FAM200B: variants seen among roughly 807,000 people sequenced by gnomAD.
FAM200B encodes zinc finger BED-type containing 11.
FAM200B carries 32 observed loss-of-function variants against 33.1 expected under a neutral mutation model. The ratio of observed to expected loss-of-function variants is 0.97; its 90% CI spans 0.73 to 1.30. FAM200B has a LOEUF of 1.30. Ranked by LOEUF, FAM200B falls within the 50% of genes most tolerant of loss-of-function variation. FAM200B has a pLI of 0.00. For synonymous variants in FAM200B, 240 were observed against 264.8 expected, an observed-to-expected ratio of 0.91 and a Z score of 0.91; for missense variants, 741 against 754.0, an observed-to-expected ratio of 0.98 and a Z score of 0.20.
upstream of FAM200B, among the ~76,000 whole-genome samples, chr4:15,677,553 C>T (rs1016120548): frequency 1.3e-5 from 2 of 152,104 alleles, no homozygotes; most frequent in African/African-American, 4.8e-5. Flanking sequence ...AGACTGAGTT[C>T]AAATAAGTGA....
At chr4:15,668,081 C>G in the FAM200B span, among the ~76,000 whole-genome samples, 1 of 150,426 alleles carries the variant, frequency 6.6e-6, no homozygotes, top group Admixed American at 6.7e-5. Flanking sequence ...TAACTATCAA[C>G]TTAATCGAAA....
rs1718877217 is a variant in FAM200B, at chr4:15,686,699, A to G, written c.-279A>G. On this transcript the variant is annotated 5_prime_UTR_variant, in exon 2 of 2. Transcript: ENST00000422728. ...GCGAGAGGGGTATTTGATGGAGGAG[A>G]TATGATGAATAGAATGTATATTGGC... 4.8e-6 allele frequency: 1 copy of G among 208,738 alleles called. No individual in the cohort carries two copies. The highest frequency in any genetic ancestry group is 9.5e-6 in the Non-Finnish European group (1 of 105,496). The allele number at this position is 208,738 out of a possible 1,614,324, so 12.9% of individuals were successfully genotyped here.
Position 15,687,930 on chromosome 4 carries a change from A to G in FAM200B, c.953A>G (p.Asn318Ser). The change falls in exon 2 of 2, where the codon AAT becomes AGT. Residue 318 changes from asparagine (N) to serine (S), a missense_variant. Coordinates refer to ENST00000422728, the MANE Select transcript of FAM200B (RefSeq NM_001145191.2). ...RVIKKLLEVT[N>S]NGAVWNHCFI... ...ATTAAAAAATTACTAGAAGTTACTA[A>G]TAATGGTGCTGTGTGGAATCATTGT... 1.3e-6 allele frequency: 2 copies of G among 1,550,766 alleles called. No homozygotes were observed. Among genetic ancestry groups the G allele is most frequent in the Non-Finnish European group, 1.7e-6 (2 of 1,146,298 alleles).
the FAM200B span, among the ~76,000 whole-genome samples, chr4:15,669,011 A>T: frequency 6.6e-5 from 10 of 152,258 alleles, no homozygotes; most frequent in Admixed American, 3.9e-4. Flanking sequence ...AATAAGCTGC[A>T]TAACACTTGT....
the FAM200B span, among the ~76,000 whole-genome samples, chr4:15,671,636 G>C: frequency 1.3e-5 from 2 of 151,912 alleles, no homozygotes; most frequent in Non-Finnish European, 2.9e-5. Context: ...GTGGGTTTAT[G>C]GTTTCCATCA....
At chr4:15,649,446 A>G in the FAM200B span, among the ~76,000 whole-genome samples, 1 of 151,944 alleles carries the variant, frequency 6.6e-6, no homozygotes, top group South Asian at 2.1e-4. Context: ...GGGCGTGGTT[A>G]GCACACGCCT....
the FAM200B span, among the ~76,000 whole-genome samples, chr4:15,641,263 C>T: frequency 6.6e-6 from 1 of 152,038 alleles, no homozygotes; most frequent in African/African-American, 2.4e-5. Flanking sequence ...GTGTCTCCTC[C>T]ACTAAAAAAC....
chr4:15,659,064 G>A, the FAM200B span, among the ~76,000 whole-genome samples: 1 of 152,064 alleles, frequency 6.6e-6, no homozygotes, highest in South Asian at 2.1e-4. Context: ...ATTAATTTCA[G>A]TCCCTCCTGT....
the FAM200B span, chr4:15,659,685 GA>G: frequency 1.0e-6 from 1 of 975,206 alleles, no homozygotes; most frequent in Admixed American, 6.2e-5. Context: ...TTCAGACAGA[GA>G]AGAGCCTTCC....
chr4:15,646,808 G>A, the FAM200B span, among the ~76,000 whole-genome samples: 2 of 149,262 alleles, frequency 1.3e-5, no homozygotes, highest in African/African-American at 4.9e-5. Flanking sequence ...TGGTTTTTTT[G>A]TCCTTGCGAC....
chr4:15,645,919 G>C, the FAM200B span, among the ~76,000 whole-genome samples: 3 of 152,112 alleles, frequency 2.0e-5, no homozygotes, highest in South Asian at 4.1e-4. Flanking sequence ...GGCAGGCACT[G>C]TTCTTTGGTA....
At chr4:15,647,170 C>T in the FAM200B span, among the ~76,000 whole-genome samples, 1 of 139,802 alleles carries the variant, frequency 7.2e-6, no homozygotes, top group Non-Finnish European at 1.5e-5. Context: ...TTGCAGTGAG[C>T]CGAGATCATG....
rs1456618082 is a variant in FAM200B, at chr4:15,688,253, G to T, written c.1276G>T (p.Val426Leu). The stretch of plus-strand genomic sequence containing the variant: ...AAGTATTTTTGAAGATGATACTTGG[G>T]TAACAAAATTGGCATATTTAACTGA... ...LASIFEDDTW[V>L]TKLAYLTDIF... The change falls in exon 2 of 2, where the codon GTA becomes TTA. Residue 426 changes from valine (V) to leucine (L), a missense_variant. Coordinates refer to ENST00000422728, the MANE Select transcript of FAM200B (RefSeq NM_001145191.2). 1 of 1,548,798 alleles carries T rather than the reference G, an allele frequency of 6.5e-7. No individual in the cohort carries two copies.
the FAM200B span, among the ~76,000 whole-genome samples, chr4:15,666,304 TG>T: frequency 2.7e-5 from 4 of 150,676 alleles, no homozygotes; most frequent in Non-Finnish European, 5.9e-5. Context: ...GAGGCTGAGG[TG>T]GGAAGATTGC....
chr4:15,651,938 G>A, the FAM200B span, among the ~76,000 whole-genome samples: 3 of 152,174 alleles, frequency 2.0e-5, no homozygotes, highest in Non-Finnish European at 2.9e-5. Flanking sequence ...GGAGCTGACC[G>A]TGTAACTCCC....
chr4:15,659,393 T>A, the FAM200B span, among the ~76,000 whole-genome samples: 3 of 152,184 alleles, frequency 2.0e-5, no homozygotes, highest in Non-Finnish European at 4.4e-5. Flanking sequence ...TACCCTCCTT[T>A]AAAGGGTTCT....
the FAM200B span, among the ~76,000 whole-genome samples, chr4:15,674,412 A>G: frequency 6.6e-6 from 1 of 152,174 alleles, no homozygotes; most frequent in Non-Finnish European, 1.5e-5. Flanking sequence ...AAATCAACTT[A>G]TGAATACATA....
At chr4:15,645,975 G>C in the FAM200B span, among the ~76,000 whole-genome samples, 1 of 152,122 alleles carries the variant, frequency 6.6e-6, no homozygotes, top group African/African-American at 2.4e-5. Context: ...TGCCTTTATG[G>C]AGTTTCCATT....
At chr4:15,638,595 C>G in the FAM200B span, 8 of 1,613,398 alleles carry the variant, frequency 5.0e-6, no homozygotes, top group South Asian at 5.5e-5. Flanking sequence ...CTAAGGAGTT[C>G]TGCAGTATCC....
Sources: gnomAD v4.1 joint callset for allele counts (sites outside exome capture counted in the v4.1 genomes callset) on GRCh38, gnomAD v4.1.1 for gene constraint, MANE v1.5 for transcripts, NCBI Gene and HGNC (gene_info 2026-07-23, HGNC 2026-07-21) for gene names.